TEX14: variants seen among roughly 807,000 people sequenced by gnomAD.
The protein encoded by TEX14 is testis expressed 14, intercellular bridge forming factor, also known as inactive serine/threonine-protein kinase TEX14.
Under a neutral mutation model 178.6 loss-of-function variants are expected in TEX14, and 168 were observed. The ratio of observed to expected loss-of-function variants is 0.94; its 90% CI spans 0.83 to 1.07. The LOEUF is 1.07. Among genes scored for constraint, TEX14 ranks in the 50% least tolerant of loss-of-function variants. The pLI is 0.00. For synonymous variants in TEX14, 626 were observed against 634.1 expected (o/e 0.99, Z 0.19); for missense variants, 1,730 against 1,753.6 (o/e 0.99, Z 0.24).
intron 2 of TEX14, among the ~76,000 whole-genome samples, chr17:58,634,730 C>G (rs2144592458): frequency 6.6e-6 from 1 of 152,278 alleles, no homozygotes. Flanking sequence ...AAGGCACTAA[C>G]CTGTTCAGGG....
intron 1 of TEX14, among the ~76,000 whole-genome samples, chr17:58,671,526 A>T (rs2047303621): frequency 6.6e-6 from 1 of 151,984 alleles, no homozygotes; most frequent in Non-Finnish European, 1.5e-5. Flanking sequence ...TAGAATGAGG[A>T]GGGACTCTCT....
At chr17:58,568,092 C>T (rs2044440406) in intron 26 of TEX14, among the ~76,000 whole-genome samples, 1 of 152,116 alleles carries the variant, frequency 6.6e-6, no homozygotes, top group African/African-American at 2.4e-5. Context: ...AGAAGAGCAA[C>T]CAAAGAGGAG....
At chr17:58,596,430 C>T (rs539104033) in intron 14 of TEX14, among the ~76,000 whole-genome samples, 6 of 152,156 alleles carry the variant, frequency 3.9e-5, no homozygotes, top group South Asian at 4.1e-4. Context: ...TACAGGCACA[C>T]GCCACCATGC....
intron 2 of TEX14, chr17:58,631,829 A>T (rs1053901433): frequency 6.7e-6 from 1 of 148,872 alleles, no homozygotes; most frequent in Non-Finnish European, 1.5e-5. Context: ...CCCTCAAAAT[A>T]TAGTCTTAAT....
At chr17:58,691,625 CCA>C (rs1343839944) in intron 1 of TEX14, among the ~76,000 whole-genome samples, 2 of 142,836 alleles carry the variant, frequency 1.4e-5, no homozygotes, top group Admixed American at 1.4e-4. Flanking sequence ...CGACATCGTG[CCA>C]CTGCACTCCA....
chr17:58,595,948 G>T (rs1473278102), intron 14 of TEX14, among the ~76,000 whole-genome samples: 1 of 152,234 alleles, frequency 6.6e-6, no homozygotes, highest in East Asian at 1.9e-4. Context: ...ACTTTGGGAG[G>T]CCAAGGTGGG....
chr17:58,661,095 CCTT>C, intron 1 of TEX14: 3 of 967,292 alleles, frequency 3.1e-6, no homozygotes, highest in Non-Finnish European at 5.1e-6. Flanking sequence ...TGCTCCAACA[CCTT>C]CTTCTGCTTG....
chr17:58,566,272 T>C (rs1230618693), intron 26 of TEX14, among the ~76,000 whole-genome samples: 3 of 152,206 alleles, frequency 2.0e-5, no homozygotes. Context: ...AAATAGACTG[T>C]GTTATTGTTA....
At chr17:58,614,623 C>T (rs2045828479) in intron 8 of TEX14, among the ~76,000 whole-genome samples, 1 of 152,270 alleles carries the variant, frequency 6.6e-6, no homozygotes, top group Non-Finnish European at 1.5e-5. Context: ...TTCAAGCCGA[C>T]TTCCACAAAA....
chr17:58,577,395 A>G lies in TEX14; in HGVS notation c.3300T>C (p.Ser1100=). The change falls in exon 21 of 32, where the codon TCT becomes TCC. Residue 1100 remains serine (S), a synonymous_variant. Coordinates refer to ENST00000349033, the MANE Select transcript of TEX14 (RefSeq NM_031272.5). Reference sequence around the variant, plus strand: ...CATACCTTCGTACAGGTTGAAATTGAGACCTGGGCAAAATCTCAGCATTCT... The same window carrying G: ...CATACCTTCGTACAGGTTGAAATTGGGACCTGGGCAAAATCTCAGCATTCT... The part of the protein sequence containing the change: ...LGKNAEILPR[S]QFQPVRSTED... 1 of 1,497,374 alleles carries G rather than the reference A, an allele frequency of 6.7e-7. No individual in the cohort carries two copies. The highest frequency in any genetic ancestry group is 9.0e-7 in the Non-Finnish European group (1 of 1,115,458). 92.8% of individuals were successfully genotyped at this position (1,497,374 alleles called of 1,614,324 possible).
Position 58,605,264 on chromosome 17 carries a change from T to C in TEX14, c.1185-135A>G. The C allele has an allele frequency of 3.9e-6, 4 of 1,022,388 alleles. No individual in the cohort carries two copies. In the South Asian group the frequency reaches 6.9e-5, roughly 18 times the overall value. The allele number at this position is 1,022,388 out of a possible 1,614,324, so 63.3% of individuals were successfully genotyped here. On this transcript the variant is annotated intron_variant, in intron 10 of 31. Coordinates refer to ENST00000349033, the MANE Select transcript of TEX14 (RefSeq NM_031272.5). ...TGGAAAGCAGCAGCGTGATCTCAGC[T>C]CACTGCAACCTCTGCCACCTCCCGG...
At chr17:58,605,178 TATTCATTCATTCATTC>T in intron 10 of TEX14, 49 bp from the exon 11 acceptor site, 2 of 1,570,660 alleles carry the variant, frequency 1.3e-6, no homozygotes, top group Non-Finnish European at 1.7e-6. Context: ...AAGGGTCTTT[TATTCATTCATTCATTC>T]ATTCATTCTT....
At chr17:58,601,772 TCAAA>T in intron 13 of TEX14, 30 bp downstream of exon 13, 1 of 1,599,442 alleles carries the variant, frequency 6.3e-7, no homozygotes, top group South Asian at 1.1e-5. Flanking sequence ...CACATTTGTG[TCAAA>T]CTAACACAAC....
chr17:58,635,606 T>C (rs1360751427), intron 2 of TEX14, among the ~76,000 whole-genome samples: 2 of 152,140 alleles, frequency 1.3e-5, no homozygotes, highest in African/African-American at 4.8e-5. Context: ...ATTTTTGTAT[T>C]GTTAATAGAT....
At chr17:58,659,505 C>T (rs1470674702) in intron 1 of TEX14, among the ~76,000 whole-genome samples, 2 of 152,192 alleles carry the variant, frequency 1.3e-5, no homozygotes, top group Non-Finnish European at 2.9e-5. Flanking sequence ...ATCACTGCGC[C>T]CCTATCTACA....
chr17:58,612,650 G>A (rs904106126), intron 9 of TEX14, among the ~76,000 whole-genome samples: 2 of 149,092 alleles, frequency 1.3e-5, no homozygotes, highest in Admixed American at 6.8e-5. Context: ...CATGAGAATC[G>A]TTTGAACCAG....
chr17:58,628,373 T>A (rs2046198503), intron 3 of TEX14, among the ~76,000 whole-genome samples: 1 of 151,790 alleles, frequency 6.6e-6, no homozygotes, highest in African/African-American at 2.4e-5. Context: ...GGTCAAGAGT[T>A]CGAGACCAGC....
At chr17:58,660,041 G>A (rs559441381) in intron 1 of TEX14, among the ~76,000 whole-genome samples, 4 of 151,542 alleles carry the variant, frequency 2.6e-5, no homozygotes, top group African/African-American at 9.7e-5. Context: ...AACACACCAG[G>A]ATGAGGATGA....
chr17:58,617,831 A>C (rs1030197602), intron 5 of TEX14, among the ~76,000 whole-genome samples: 7 of 152,208 alleles, frequency 4.6e-5, no homozygotes, highest in Non-Finnish European at 7.3e-5. Flanking sequence ...AGCCCCTCAC[A>C]GGTCACATGG....
Sources: allele counts gnomAD v4.1 joint callset (sites outside exome capture counted in the v4.1 genomes callset), GRCh38; gene constraint gnomAD v4.1.1; transcripts MANE v1.5; gene names NCBI Gene and HGNC (gene_info 2026-07-23, HGNC 2026-07-21).